The following AQP5 variants were observed in gnomAD, a reference collection of about 807,000 sequenced individuals.
The protein encoded by AQP5 is aquaporin 5, also known as aquaporin-5.
Under a neutral mutation model 19.1 loss-of-function variants are expected in AQP5, and 15 were observed. The observed-to-expected ratio is 0.79, with a 90% CI of 0.53 to 1.21. AQP5 has a LOEUF of 1.21. Among genes scored for constraint, AQP5 ranks in the 50% most tolerant of loss-of-function variants. The pLI is 0.00. For synonymous variants in AQP5, 182 were observed against 160.3 expected (o/e 1.14, Z -1.02); for missense variants, 355 against 357.1 (o/e 0.99, Z 0.05).
Position 49,965,161 on chromosome 12 carries a change from AGCTGACCACCC to A in AQP5, c.791_*3del. 1.2e-6 allele frequency: 2 copies of A among 1,611,594 alleles called. No individual in the cohort carries two copies. Among genetic ancestry groups the A allele is most frequent in the Non-Finnish European group, 1.7e-6 (2 of 1,178,942 alleles). ...CGGGAAGAGCGGAAGAAGACCATGGAGCTGACCACCCGCTGACCAGTGTCAGGCAGGGGCCA... is the reference window on the plus strand; with the variant it reads ...CGGGAAGAGCGGAAGAAGACCATGGAGCTGACCAGTGTCAGGCAGGGGCCA... On this transcript the variant is annotated frameshift_variant, in exon 4 of 4. Coordinates refer to ENST00000293599, the MANE Select transcript of AQP5 (RefSeq NM_001651.4). LOFTEE classifies it high-confidence loss of function.
chr12:49,965,158 T>TG lies in AQP5; in HGVS notation c.781dup (p.Glu261GlyfsTer137). 6.2e-7 allele frequency: 1 copy of TG among 1,612,000 alleles called. No individual in the cohort carries two copies. The highest frequency in any genetic ancestry group is 8.5e-7 in the Non-Finnish European group (1 of 1,179,144). On this transcript the variant is annotated frameshift_variant, in exon 4 of 4. Transcript: ENST00000293599. LOFTEE classifies it high-confidence loss of function. Reference sequence around the variant, plus strand: ...CAGCGGGAAGAGCGGAAGAAGACCATGGAGCTGACCACCCGCTGACCAGTG... The same window carrying TG: ...CAGCGGGAAGAGCGGAAGAAGACCATGGGAGCTGACCACCCGCTGACCAGTG...
At chr12:49,963,427 C>A in intron 1 of AQP5, 65 bp from the exon 2 acceptor site, 1 of 1,580,062 alleles carries the variant, frequency 6.3e-7, no homozygotes, top group Non-Finnish European at 8.6e-7. Context: ...AAAAGCCCTA[C>A]TCCCCGAGCC....
In AQP5 at chr12:49,965,288, G is replaced by A. The variant is rs1947477895; in HGVS notation, c.*111G>A. ...ACAACCGGTCCTCTTGGCTGAGGAG[G>A]AGGAGCTGGTCACCCTGGCTGCACA... On this transcript the variant is annotated 3_prime_UTR_variant, in exon 4 of 4. Transcript: ENST00000293599. The A allele has an allele frequency of 2.3e-6, 3 of 1,295,214 alleles. No homozygotes were observed. Among genetic ancestry groups the A allele is most frequent in the Non-Finnish European group, 3.1e-6 (3 of 972,282 alleles). The allele number at this position is 1,295,214 out of a possible 1,614,324, so 80.2% of individuals were successfully genotyped here. A position where few individuals can be genotyped will look rare whatever the true frequency, so the allele number is the denominator to read the frequency against.
chr12:49,965,009 C>T lies in AQP5; in HGVS notation c.630C>T (p.Pro210=), dbSNP rs1947474034. 3 of 1,613,512 alleles carry T rather than the reference C, an allele frequency of 1.9e-6. No homozygotes were observed. The highest frequency in any genetic ancestry group is 4.5e-5 in the East Asian group (2 of 44,872). The change falls in exon 4 of 4, where the codon CCC becomes CCT. Residue 210 remains proline (P), a synonymous_variant. Coordinates refer to ENST00000293599, the MANE Select transcript of AQP5 (RefSeq NM_001651.4). ...TCCACCAGGTTTTCTGGGTAGGGCC[C>T]ATCGTGGGGGCGGTCCTGGCTGCCA... The part of the protein sequence containing the change: ...SPAHWVFWVG[P]IVGAVLAAIL...
chr12:49,963,913 G>A, intron 2 of AQP5, 179 bp from the exon 3 acceptor site: 1 of 758,568 alleles, frequency 1.3e-6, no homozygotes, highest in African/African-American at 1.7e-5. Flanking sequence ...GAAGAGAGGA[G>A]GGCGTAGTTA....
At position 49,963,186 on chromosome 12, in the gene AQP5, C is replaced by A. The variant is rs75815946; in HGVS notation, c.364-306C>A. Among the ~76,000 whole-genome samples the A allele has an allele frequency of 3.3e-3, 509 of 152,314 alleles. 3 individuals carry two copies. Among genetic ancestry groups the A allele is most frequent in the East Asian group, 0.014 (70 of 5,172 alleles). On this transcript the variant is annotated intron_variant, in intron 1 of 3. Transcript: ENST00000293599. ...GGCAGGCAAACCGGGCAGCTGCCCA[C>A]AGGATGGAGGGTAAATGCCAGCTTA...
rs1365565400 is a variant in AQP5, at chr12:49,962,123, CCGT to C, written c.109_111del (p.Ser37del). The C allele has an allele frequency of 6.2e-7, 1 of 1,613,410 alleles. No homozygotes were observed. Reference sequence around the variant, plus strand: ...TGGCCTGGGCTCGGCCCTCAAGTGGCCGTCGGCGCTGCCTACCATCCTGCAGAT... The same window carrying C: ...TGGCCTGGGCTCGGCCCTCAAGTGGCCGGCGCTGCCTACCATCCTGCAGAT... On this transcript the variant is annotated inframe_deletion, in exon 1 of 4. Transcript: ENST00000293599.
intron 1 of AQP5, 172 bp downstream of exon 1, chr12:49,962,552 C>G: frequency 1.2e-6 from 1 of 829,048 alleles, no homozygotes; most frequent in Non-Finnish European, 1.7e-6. Context: ...CTGATATGTG[C>G]TCCCTTCCTG....
intron 1 of AQP5, 152 bp downstream of exon 1, chr12:49,962,532 A>AGC (rs145585963): frequency 2.5e-6 from 3 of 1,217,406 alleles, no homozygotes; most frequent in Admixed American, 3.1e-5. Flanking sequence ...CAGGAAGGCA[A>AGC]CTCTCCAGGC....
rs1035306678 is a variant in AQP5 at position 49,965,269 on chromosome 12, G to T, written c.*92G>T. On this transcript the variant is annotated 3_prime_UTR_variant, in exon 4 of 4. Transcript: ENST00000293599. ...ACACAAGCTTCCTTTTTGCACAACC[G>T]GTCCTCTTGGCTGAGGAGGAGGAGC... The T allele has an allele frequency of 1.4e-6, 2 of 1,389,940 alleles. No individual in the cohort carries two copies. Among genetic ancestry groups the T allele is most frequent in the African/African-American group, 1.5e-5 (1 of 68,658 alleles). The allele number at this position is 1,389,940 out of a possible 1,614,324, so 86.1% of individuals were successfully genotyped here.
At chr12:49,964,936 A>G in intron 3 of AQP5, 56 bp from the exon 4 acceptor site, 1 of 1,568,544 alleles carries the variant, frequency 6.4e-7, no homozygotes, top group East Asian at 2.2e-5. Flanking sequence ...GGTGGGGGGC[A>G]TGTGGTCTTC....
At chr12:49,962,485 C>G (rs1947438604) in intron 1 of AQP5, 105 bp downstream of exon 1, 1 of 1,026,518 alleles carries the variant, frequency 9.7e-7, no homozygotes, top group Non-Finnish European at 1.3e-6. Context: ...TGGGCCAGCC[C>G]ACACCCTTCA....
Position 49,963,476 on chromosome 12 carries a change from C to A in AQP5, c.364-16C>A. ...CCAGAAGGTGGCCGGGGTCCTAACCCGCTATCCCCTTGCAGCTCAACAACA... is the reference window on the plus strand; with the variant it reads ...CCAGAAGGTGGCCGGGGTCCTAACCAGCTATCCCCTTGCAGCTCAACAACA... On this transcript the variant is annotated splice_polypyrimidine_tract_variant and intron_variant, in intron 1 of 3. Coordinates refer to ENST00000293599, the MANE Select transcript of AQP5 (RefSeq NM_001651.4). 6.2e-7 allele frequency: 1 copy of A among 1,612,882 alleles called. No individual in the cohort carries two copies. The highest frequency in any genetic ancestry group is 8.5e-7 in the Non-Finnish European group (1 of 1,179,462).
Position 49,965,092 on chromosome 12 carries a change from T to C in AQP5, c.713T>C (p.Ile238Thr), listed in dbSNP as rs200035861. The change falls in exon 4 of 4, where the codon ATC becomes ACC. Residue 238 changes from isoleucine to threonine, a missense_variant. By Grantham distance (89) the Ile-to-Thr change is moderately conservative. Transcript: ENST00000293599. ...CTGAGCCTGAGTGAGCGTGTGGCCA[T>C]CATCAAAGGCACGTATGAGCCTGAC... ...NSLSLSERVA[I>T]IKGTYEPDED... 4 of 1,614,040 alleles carry C rather than the reference T, an allele frequency of 2.5e-6. No individual in the cohort carries two copies. The highest frequency in any genetic ancestry group is 3.4e-6 in the Non-Finnish European group (4 of 1,179,992).
At chr12:49,962,426 C>A in intron 1 of AQP5, 46 bp downstream of exon 1, 1 of 1,395,040 alleles carries the variant, frequency 7.2e-7, no homozygotes, top group Non-Finnish European at 9.5e-7. Context: ...CTGGGGTGGG[C>A]TCAGGACCAG....
chr12:49,962,963 C>T (rs1300538782), intron 1 of AQP5: 2 of 168,998 alleles, frequency 1.2e-5, no homozygotes, highest in Admixed American at 5.6e-5. Context: ...CCCTCAACCC[C>T]GCACCCCTGC....
At chr12:49,963,769 C>A in intron 2 of AQP5, 113 bp downstream of exon 2, 1 of 1,383,608 alleles carries the variant, frequency 7.2e-7, no homozygotes, top group Non-Finnish European at 9.6e-7. Flanking sequence ...GAGTTTAAGG[C>A]CTGGATTTAG....
At chr12:49,962,759 T>A (rs895449339) in intron 1 of AQP5, 2 of 204,422 alleles carry the variant, frequency 9.8e-6, no homozygotes, top group African/African-American at 2.3e-5. Flanking sequence ...CGGGCTGTCA[T>A]CACGGCTTTG....
rs774680608 is a variant in AQP5 at position 49,961,992 on chromosome 12, G to C, written c.-26G>C. Reference sequence around the variant, plus strand: ...CCAACGGGCGCCCCCCGCCGCGGCAGCTGCCGCCGGGCCCCCGCGGCCACC... The same window carrying C: ...CCAACGGGCGCCCCCCGCCGCGGCACCTGCCGCCGGGCCCCCGCGGCCACC... On this transcript the variant is annotated 5_prime_UTR_variant, in exon 1 of 4. Transcript: ENST00000293599. 1.8e-5 allele frequency: 24 copies of C among 1,335,584 alleles called. No homozygotes were observed. In the East Asian group the frequency reaches 6.1e-4, roughly 34 times the overall value. The allele number at this position is 1,335,584 out of a possible 1,614,324, so 82.7% of individuals were successfully genotyped here.
Sources: allele counts gnomAD v4.1 joint callset (sites outside exome capture counted in the v4.1 genomes callset), GRCh38; gene constraint gnomAD v4.1.1; transcripts MANE v1.5; gene names NCBI Gene and HGNC (gene_info 2026-07-23, HGNC 2026-07-21).